The following TBC1D5 variants were observed in gnomAD, a reference collection of about 807,000 sequenced individuals.
The protein encoded by TBC1D5 is TBC1 domain family, member 5.
TBC1D5 carries 75 observed loss-of-function variants against 100.3 expected under a neutral mutation model. The ratio of observed to expected loss-of-function variants is 0.75; its 90% CI spans 0.62 to 0.91. The LOEUF is 0.91. Ranked by LOEUF, TBC1D5 falls within the 40% of genes least tolerant of loss-of-function variation. The pLI, the probability that TBC1D5 is intolerant of heterozygous loss-of-function variation, is 0.00. For synonymous variants in TBC1D5, 323 were observed against 325.6 expected, an observed-to-expected ratio of 0.99 and a Z score of 0.09; for missense variants, 910 against 942.4, an observed-to-expected ratio of 0.97 and a Z score of 0.45.
At chr3:17,478,720 C>G (rs1208873232) in intron 3 of TBC1D5, among the ~76,000 whole-genome samples, 1 of 152,116 alleles carries the variant, frequency 6.6e-6, no homozygotes, top group Non-Finnish European at 1.5e-5. Context: ...GGTCACAGTA[C>G]CAAGTCTAGA....
At chr3:17,660,433 C>T (rs2066527813) in intron 1 of TBC1D5, among the ~76,000 whole-genome samples, 1 of 152,166 alleles carries the variant, frequency 6.6e-6, no homozygotes, top group Admixed American at 6.5e-5. Context: ...ACCATCCTTC[C>T]TGCAAGTAAG....
At chr3:17,469,103 C>G (rs966101385) in intron 3 of TBC1D5, among the ~76,000 whole-genome samples, 10 of 152,018 alleles carry the variant, frequency 6.6e-5, no homozygotes, top group Non-Finnish European at 8.8e-5. Flanking sequence ...CTAATACACT[C>G]CCACAATAGT....
At chr3:17,499,395 A>T (rs983829638) in intron 3 of TBC1D5, among the ~76,000 whole-genome samples, 11 of 134,778 alleles carry the variant, frequency 8.2e-5, no homozygotes, top group Non-Finnish European at 1.4e-4. Flanking sequence ...GCGGGCTGAA[A>T]GCTGGGTTAT....
intron 4 of TBC1D5, among the ~76,000 whole-genome samples, chr3:17,415,619 A>G (rs976986130): frequency 3.3e-5 from 5 of 152,144 alleles, no homozygotes; most frequent in African/African-American, 9.7e-5. Flanking sequence ...TTGATTTTAT[A>G]ACAAGCTTTT....
intron 16 of TBC1D5, among the ~76,000 whole-genome samples, chr3:17,255,761 G>A (rs988897975): frequency 6.6e-6 from 1 of 152,014 alleles, no homozygotes; most frequent in Admixed American, 6.5e-5. Flanking sequence ...GATTTAGGCC[G>A]GGCGCAGTGG....
chr3:17,516,840 C>T (rs2095996085), intron 2 of TBC1D5, among the ~76,000 whole-genome samples: 1 of 152,094 alleles, frequency 6.6e-6, no homozygotes, highest in African/African-American at 2.4e-5. Context: ...CAGGCTAATG[C>T]CTAACGGAGT....
chr3:17,210,075 T>G (rs1171100628), intron 18 of TBC1D5, among the ~76,000 whole-genome samples: 1 of 152,224 alleles, frequency 6.6e-6, no homozygotes, highest in African/African-American at 2.4e-5. Flanking sequence ...CCAGGGTACA[T>G]GAGAATCATT....
chr3:17,494,873 C>T (rs2095686009), intron 3 of TBC1D5, among the ~76,000 whole-genome samples: 1 of 152,216 alleles, frequency 6.6e-6, no homozygotes, highest in Non-Finnish European at 1.5e-5. Flanking sequence ...TGCACAGCTC[C>T]GTGCTTGGGA....
chr3:17,595,737 C>T (rs1245027657), intron 2 of TBC1D5, among the ~76,000 whole-genome samples: 1 of 152,064 alleles, frequency 6.6e-6, no homozygotes, highest in Non-Finnish European at 1.5e-5. Context: ...TCCCTGAACC[C>T]ACACCCCAAG....
intron 3 of TBC1D5, among the ~76,000 whole-genome samples, chr3:17,430,270 G>T (rs2094424212): frequency 4.0e-5 from 6 of 151,596 alleles, no homozygotes. Context: ...TTTAAAATAT[G>T]AGCTTCTTTC....
chr3:17,585,075 C>T (rs903597949), intron 2 of TBC1D5, among the ~76,000 whole-genome samples: 1 of 152,088 alleles, frequency 6.6e-6, no homozygotes, highest in Non-Finnish European at 1.5e-5. Context: ...ACAGGTGTGA[C>T]CCACCATGCC....
chr3:17,372,275 T>A, intron 12 of TBC1D5, 28 bp from the exon 13 acceptor site: 14 of 1,553,792 alleles, frequency 9.0e-6, no homozygotes, highest in Non-Finnish European at 1.2e-5. Context: ...GAACATGTAT[T>A]ATTTAAATAT....
chr3:17,418,635 A>T (rs2094139853), intron 4 of TBC1D5, among the ~76,000 whole-genome samples: 1 of 152,150 alleles, frequency 6.6e-6, no homozygotes, highest in African/African-American at 2.4e-5. Context: ...CTGAATTTTT[A>T]AACTTTAGTA....
Position 17,458,878 on chromosome 3 carries a change from A to T in TBC1D5, c.98-30359T>A, listed in dbSNP as rs145644087. ...CTTTCCACTTAGGCTCACTCATTCA[A>T]CAATTGTACAGCTAAAGTTACCACT... On this transcript the variant is annotated intron_variant, in intron 3 of 21. Transcript: ENST00000253692. Among the ~76,000 whole-genome samples the T allele has an allele frequency of 5.3e-4, 80 of 152,280 alleles. No homozygotes were observed. In the East Asian group the frequency reaches 9.4e-3, roughly 18 times the overall value.
intron 2 of TBC1D5, among the ~76,000 whole-genome samples, chr3:17,597,581 A>G (rs2060651852): frequency 6.6e-6 from 1 of 152,176 alleles, no homozygotes; most frequent in Non-Finnish European, 1.5e-5. Flanking sequence ...TCAACTTTAT[A>G]AACTTTTATA....
At chr3:17,232,774 CT>C (rs1387918013) in intron 17 of TBC1D5, among the ~76,000 whole-genome samples, 1 of 152,012 alleles carries the variant, frequency 6.6e-6, no homozygotes. Context: ...TCCACCCCCC[CT>C]AAAAAAATGG....
intron 16 of TBC1D5, among the ~76,000 whole-genome samples, chr3:17,239,475 TC>T (rs1286825357): frequency 6.6e-6 from 1 of 152,184 alleles, no homozygotes; most frequent in Non-Finnish European, 1.5e-5. Context: ...CATTTCTTCC[TC>T]TACTTATAAC....
At chr3:17,271,043 T>A (rs2079366958) in intron 15 of TBC1D5, among the ~76,000 whole-genome samples, 1 of 152,212 alleles carries the variant, frequency 6.6e-6, no homozygotes, top group Non-Finnish European at 1.5e-5. Flanking sequence ...TGAAGTCAGG[T>A]AATGTGACAT....
intron 13 of TBC1D5, among the ~76,000 whole-genome samples, chr3:17,358,630 C>T (rs1302390235): frequency 6.6e-6 from 1 of 151,990 alleles, no homozygotes; most frequent in African/African-American, 2.4e-5. Flanking sequence ...TATCTCAGTC[C>T]CACTCATTTT....
Sources: gnomAD v4.1 joint callset for allele counts (sites outside exome capture counted in the v4.1 genomes callset) on GRCh38, gnomAD v4.1.1 for gene constraint, MANE v1.5 for transcripts, NCBI Gene and HGNC (gene_info 2026-07-23, HGNC 2026-07-21) for gene names.